The following CDC42BPB variants were observed in gnomAD, a reference collection of about 807,000 sequenced individuals.
The protein encoded by CDC42BPB is CDC42 binding protein kinase beta, also known as serine/threonine-protein kinase MRCK beta.
CDC42BPB carries 37 observed loss-of-function variants against 214.9 expected under a neutral mutation model. The observed-to-expected ratio is 0.17, with a 90% CI of 0.13 to 0.23. The LOEUF is 0.23. Among genes scored for constraint, CDC42BPB ranks in the 10% least tolerant of loss-of-function variants. The probability of loss-of-function intolerance (pLI) is 1.00; values close to 1 mark genes in which losing one functional copy is unlikely to be tolerated. For missense variants in CDC42BPB, 1,694 were observed against 2,227.0 expected (o/e 0.76, Z 4.82); for synonymous variants, 931 against 884.0 (o/e 1.05, Z -0.94).
intron 2 of CDC42BPB, among the ~76,000 whole-genome samples, chr14:103,009,797 T>C (rs1886047759): frequency 6.6e-6 from 1 of 152,194 alleles, no homozygotes; most frequent in Admixed American, 6.5e-5. Flanking sequence ...AGCTCAATGC[T>C]TGGTAGCAGA....
intron 24 of CDC42BPB, 34 bp downstream of exon 24, chr14:102,952,464 G>T: frequency 7.2e-7 from 1 of 1,390,436 alleles, no homozygotes; most frequent in African/African-American, 1.4e-5. Context: ...GTGGGGCTGT[G>T]CACGCTGACC....
In CDC42BPB at chr14:102,975,791, G is replaced by A. The variant is rs1300188295; in HGVS notation, c.1400C>T (p.Thr467Ile). 3 of 1,614,196 alleles carry A rather than the reference G, an allele frequency of 1.9e-6. No individual in the cohort carries two copies. The highest frequency in any genetic ancestry group is 2.5e-6 in the Non-Finnish European group (3 of 1,180,034). The stretch of plus-strand genomic sequence containing the variant: ...AGATGAGCCGTGGAGGGACTGCACG[G>A]TCTGGGTGGACTCTGAGGGATGGAG... ...LSRKLQESTQTVQSLHGSSRA... is the reference protein window; with the variant it reads ...LSRKLQESTQIVQSLHGSSRA... The change falls in exon 11 of 37, where the codon ACC becomes ATC. Residue 467 changes from threonine (T) to isoleucine (I), a missense_variant. Around this residue, in one of 7 missense-constraint regions of CDC42BPB, gnomAD observed 462 missense variants for 513.5 expected, o/e 0.90. Coordinates refer to ENST00000361246, the MANE Select transcript of CDC42BPB (RefSeq NM_006035.4).
rs1350646278 is a variant in CDC42BPB, at chr14:102,943,594, G to A, written c.4408+297C>T. 4.0e-5 allele frequency among the ~76,000 whole-genome samples: 6 copies of A among 151,436 alleles called. No individual in the cohort carries two copies. The highest frequency in any genetic ancestry group is 1.5e-4 in the African/African-American group (6 of 41,272). The stretch of plus-strand genomic sequence containing the variant: ...GAATGCCACGCCCCGTTCTCGGTTC[G>A]CCGAGCCCTTCTGCCCAGGGGCCTA... On this transcript the variant is annotated intron_variant, in intron 30 of 36. Coordinates refer to ENST00000361246, the MANE Select transcript of CDC42BPB (RefSeq NM_006035.4). The surrounding 1 kb of genome is among the most constrained non-coding windows in gnomAD (Gnocchi z 4.6).
intron 15 of CDC42BPB, 48 bp from the exon 16 acceptor site, chr14:102,968,406 AT>A (rs2139459341): frequency 6.2e-7 from 1 of 1,611,908 alleles, no homozygotes; most frequent in Non-Finnish European, 8.5e-7. Flanking sequence ...AACTTCACTG[AT>A]ATTCGTATCT....
chr14:102,986,179 C>T (rs929938114), intron 6 of CDC42BPB: 20 of 285,804 alleles, frequency 7.0e-5, no homozygotes, highest in South Asian at 1.6e-4. Context: ...AAGCAGGGAG[C>T]GCCCTCGATC....
At chr14:102,975,566 T>G (rs1893699360) in intron 11 of CDC42BPB, 118 bp downstream of exon 11, 6 of 1,098,896 alleles carry the variant, frequency 5.5e-6, no homozygotes, top group Non-Finnish European at 6.6e-6. Flanking sequence ...TAAATAAGCT[T>G]GCTAAAGCCT....
intron 1 of CDC42BPB, among the ~76,000 whole-genome samples, chr14:103,043,813 ACTC>A (rs35022058): frequency 0.06 from 9,170 of 152,132 alleles, 583 homozygotes; most frequent in African/African-American, 0.16. Flanking sequence ...TCTGTTTAAA[ACTC>A]CTCCTAACAT....
chr14:102,950,025 G>A, intron 25 of CDC42BPB, 121 bp from the exon 26 acceptor site: 2 of 1,514,132 alleles, frequency 1.3e-6, no homozygotes, highest in Non-Finnish European at 1.8e-6. Flanking sequence ...TTTGGACAGA[G>A]GGATGTTTGC....
intron 17 of CDC42BPB, among the ~76,000 whole-genome samples, chr14:102,966,764 C>T (rs374229119): frequency 1.2e-4 from 19 of 152,372 alleles, no homozygotes; most frequent in African/African-American, 2.9e-4. Context: ...CTTCTGCAGC[C>T]GCTTTGGGAG....
intron 1 of CDC42BPB, among the ~76,000 whole-genome samples, chr14:103,036,193 C>T (rs1279372110): frequency 7.3e-5 from 11 of 150,068 alleles, no homozygotes; most frequent in Non-Finnish European, 1.6e-4. Flanking sequence ...CGCTCTGTCG[C>T]CCAGGCTGGA....
Position 102,940,314 on chromosome 14 carries a change from G to C in CDC42BPB, c.4419C>G (p.Pro1473=). 1 of 1,572,900 alleles carries C rather than the reference G, an allele frequency of 6.4e-7. No homozygotes were observed. Among genetic ancestry groups the C allele is most frequent in the South Asian group, 1.2e-5 (1 of 86,136 alleles). Residue 1473 remains proline, a synonymous_variant, in exon 31 of 37, where the codon CCC becomes CCG. Coordinates refer to ENST00000361246, the MANE Select transcript of CDC42BPB (RefSeq NM_006035.4). ...PAAPVACSCS[P]THVTVYSEYG... The stretch of plus-strand genomic sequence containing the variant: ...ACTCGCTGTACACCGTGACGTGGGT[G>C]GGGCTGCAACCTAGCGCAGACGGAG...
At chr14:102,995,083 ATATTCT>A (rs1183592929) in intron 5 of CDC42BPB, among the ~76,000 whole-genome samples, 6 of 151,376 alleles carry the variant, frequency 4.0e-5, no homozygotes, top group Non-Finnish European at 8.8e-5. Context: ...TGTTTTCTAC[ATATTCT>A]TTTTCTTAAA....
chr14:103,039,209 T>C (rs1887841575), intron 1 of CDC42BPB, among the ~76,000 whole-genome samples: 2 of 150,576 alleles, frequency 1.3e-5, no homozygotes, highest in South Asian at 4.2e-4. Flanking sequence ...ATAAGAGTTA[T>C]TACCAATTCT....
chr14:102,964,360 G>A lies in CDC42BPB; in HGVS notation c.2726+142C>T, dbSNP rs763030863. On this transcript the variant is annotated intron_variant, in intron 19 of 36. Coordinates refer to ENST00000361246, the MANE Select transcript of CDC42BPB (RefSeq NM_006035.4). ...ATTCGGGGCTCCTGCAGGTGAACCC[G>A]ACGTGCTGCCTCCTAAGGCTCCAGC... 13 of 950,328 alleles carry A rather than the reference G, an allele frequency of 1.4e-5. No homozygotes were observed. The South Asian group carries it at 1.4e-4, about 10-fold the overall frequency. The allele number at this position is 950,328 out of a possible 1,614,324, so 58.9% of individuals were successfully genotyped here. A position where few individuals can be genotyped will look rare whatever the true frequency, so the allele number is the denominator to read the frequency against.
intron 5 of CDC42BPB, among the ~76,000 whole-genome samples, chr14:102,988,320 T>C (rs1035810562): frequency 2.7e-5 from 4 of 146,526 alleles, no homozygotes; most frequent in Non-Finnish European, 6.0e-5. Flanking sequence ...ATGACTAACA[T>C]TTGACTACAA....
intron 12 of CDC42BPB, 62 bp downstream of exon 12, chr14:102,973,954 G>A (rs1893607874): frequency 2.0e-6 from 3 of 1,536,880 alleles, no homozygotes; most frequent in Non-Finnish European, 2.6e-6. Context: ...CGGCATGAAC[G>A]TGACCTTACA....
chr14:103,016,843 A>G (rs1168265756), intron 1 of CDC42BPB, among the ~76,000 whole-genome samples: 1 of 152,036 alleles, frequency 6.6e-6, no homozygotes, highest in Non-Finnish European at 1.5e-5. Context: ...AAGCAGCAGC[A>G]GTTCAGCTAC....
rs1301323141 is a variant in CDC42BPB at position 103,001,351 on chromosome 14, C to A, written c.448-1638G>T. ...GAGCTCACACTGGGGGCGGGAGAGA[C>A]CGTGGCCAGCATGGAGAGCAGGCAG... On this transcript the variant is annotated intron_variant, in intron 4 of 36. Coordinates refer to ENST00000361246, the MANE Select transcript of CDC42BPB (RefSeq NM_006035.4). The surrounding 1 kb of genome is among the most constrained non-coding windows in gnomAD (Gnocchi z 5.8). Among the ~76,000 whole-genome samples the A allele has an allele frequency of 6.6e-6, 1 of 152,208 alleles. No homozygotes were observed.
In CDC42BPB at chr14:102,940,033, G is replaced by C; in HGVS notation, c.4591+13C>G. 1 of 1,613,946 alleles carries C rather than the reference G, an allele frequency of 6.2e-7. No homozygotes were observed. Among genetic ancestry groups the C allele is most frequent in the South Asian group, 1.1e-5 (1 of 91,084 alleles). On this transcript the variant is annotated intron_variant, in intron 32 of 36. Transcript: ENST00000361246. Reference sequence around the variant, plus strand: ...TTCCCTTCCCTCCACTCCCGGTGCAGAGGAAGGCTCACCCGAGAACTTGCT... The same window carrying C: ...TTCCCTTCCCTCCACTCCCGGTGCACAGGAAGGCTCACCCGAGAACTTGCT...
Sources: allele counts gnomAD v4.1 joint callset (sites outside exome capture counted in the v4.1 genomes callset), GRCh38; gene constraint gnomAD v4.1.1; regional missense constraint gnomAD v4.1.1; non-coding constraint Gnocchi (gnomAD v3.1); transcripts MANE v1.5; gene names NCBI Gene and HGNC (gene_info 2026-07-23, HGNC 2026-07-21).